The following EPHB1 variants were observed in gnomAD, a reference collection of about 807,000 sequenced individuals.
The protein encoded by EPHB1 is ephrin type-B receptor 1.
Under a neutral mutation model 94.4 loss-of-function variants are expected in EPHB1, and 30 were observed. The ratio of observed to expected loss-of-function variants is 0.32; its 90% CI spans 0.24 to 0.43. EPHB1 has a LOEUF of 0.43. EPHB1 is among the 20% of genes least tolerant of loss of function. The pLI, the probability that EPHB1 is intolerant of heterozygous loss-of-function variation, is 1.00. For missense variants in EPHB1, 1,055 were observed against 1,308.3 expected, an observed-to-expected ratio of 0.81 and a Z score of 2.99; for synonymous variants, 522 against 489.1, an observed-to-expected ratio of 1.07 and a Z score of -0.89.
At chr3:134,895,077 T>C (rs938237136) in intron 1 of EPHB1, among the ~76,000 whole-genome samples, 6 of 152,222 alleles carry the variant, frequency 3.9e-5, no homozygotes, top group Non-Finnish European at 8.8e-5. Flanking sequence ...ATAATCACTT[T>C]CCTCTCTTCT....
intron 1 of EPHB1, among the ~76,000 whole-genome samples, chr3:134,923,735 CT>C (rs1441447213): frequency 6.6e-6 from 1 of 152,192 alleles, no homozygotes; most frequent in Non-Finnish European, 1.5e-5. Context: ...GGATGGGTTT[CT>C]CCCCAAACCT....
intron 2 of EPHB1, among the ~76,000 whole-genome samples, chr3:134,926,626 C>T (rs187072528): frequency 1.3e-5 from 2 of 152,106 alleles, no homozygotes; most frequent in Non-Finnish European, 2.9e-5. Flanking sequence ...TGGAAGAGAG[C>T]ATGGTGTGAA....
chr3:135,035,838 T>C (rs1427514753), intron 3 of EPHB1, among the ~76,000 whole-genome samples: 1 of 152,194 alleles, frequency 6.6e-6, no homozygotes, highest in Admixed American at 6.5e-5. Flanking sequence ...GGGCTGTCTG[T>C]AACATGCCAG....
intron 10 of EPHB1, among the ~76,000 whole-genome samples, chr3:135,190,585 G>A (rs898818160): frequency 9.5e-5 from 9 of 94,618 alleles, no homozygotes; most frequent in African/African-American, 3.7e-4. Context: ...ATATGTGACA[G>A]GTCTGTATTG....
At chr3:134,927,383 C>T (rs937780717) in intron 2 of EPHB1, among the ~76,000 whole-genome samples, 10 of 152,100 alleles carry the variant, frequency 6.6e-5, no homozygotes, top group Middle Eastern at 3.2e-3. Context: ...GCTGGCATTC[C>T]CTAAAGCAGG....
intron 12 of EPHB1, among the ~76,000 whole-genome samples, chr3:135,234,081 C>A (rs555539081): frequency 1.3e-5 from 2 of 152,274 alleles, no homozygotes; most frequent in East Asian, 3.9e-4. Flanking sequence ...TTTCTACAGC[C>A]GCTTAAATTT....
intron 11 of EPHB1, among the ~76,000 whole-genome samples, chr3:135,197,532 A>AC (rs1942655889): frequency 3.3e-5 from 5 of 152,254 alleles, no homozygotes; most frequent in African/African-American, 1.2e-4. Context: ...TCAGTTAGAA[A>AC]AAATCTATGA....
chr3:134,987,520 G>T (rs1934641712), intron 3 of EPHB1, among the ~76,000 whole-genome samples: 1 of 152,182 alleles, frequency 6.6e-6, no homozygotes, highest in Admixed American at 6.5e-5. Flanking sequence ...AGCACTTTGG[G>T]AGGCTGAGGC....
At chr3:135,183,506 T>C (rs1036368719) in intron 10 of EPHB1, among the ~76,000 whole-genome samples, 9 of 152,116 alleles carry the variant, frequency 5.9e-5, no homozygotes, top group African/African-American at 2.2e-4. Context: ...GGGGTGATGC[T>C]GGAAAAATAT....
rs568399663 is a variant in EPHB1 at position 134,913,562 on chromosome 3, T to C, written c.59-12254T>C. On this transcript the variant is annotated intron_variant, in intron 1 of 15. Coordinates refer to ENST00000398015, the MANE Select transcript of EPHB1 (RefSeq NM_004441.5). ...GTGCTGTGGATGCGAGGAAAGACTATAGTCTTAAGTTTTTGATTGCTTCCC... is the reference window on the plus strand; with the variant it reads ...GTGCTGTGGATGCGAGGAAAGACTACAGTCTTAAGTTTTTGATTGCTTCCC... 6.2e-4 allele frequency among the ~76,000 whole-genome samples: 94 copies of C among 152,278 alleles called. 1 individual carries two copies. The highest frequency in any genetic ancestry group is 2.1e-3 in the African/African-American group (88 of 41,574).
At chr3:135,106,067 G>T (rs1374899980) in intron 3 of EPHB1, among the ~76,000 whole-genome samples, 1 of 152,166 alleles carries the variant, frequency 6.6e-6, no homozygotes, top group Non-Finnish European at 1.5e-5. Flanking sequence ...TTAGTGAGTG[G>T]CTCAGGGAAA....
chr3:135,145,463 T>C lies in EPHB1; in HGVS notation c.1298-8689T>C, dbSNP rs374568611. Among the ~76,000 whole-genome samples the C allele has an allele frequency of 6.6e-5, 10 of 152,300 alleles. No homozygotes were observed. In the East Asian group the frequency reaches 9.6e-4, roughly 15 times the overall value. On this transcript the variant is annotated intron_variant, in intron 5 of 15. Transcript: ENST00000398015. ...GCTCAGCATTGTTTGGGTCTCTCTA[T>C]AAACTTTTCAGAGTCTGGGTTGGGG... is the stretch of plus-strand genomic sequence containing the variant.
intron 9 of EPHB1, among the ~76,000 whole-genome samples, chr3:135,179,232 A>G (rs1166555452): frequency 1.3e-5 from 2 of 152,098 alleles, no homozygotes; most frequent in African/African-American, 4.8e-5. Flanking sequence ...TTTTTCTTTC[A>G]TACCACCTCA....
At chr3:135,154,473 C>T in intron 6 of EPHB1, 197 bp downstream of exon 6, 1 of 628,656 alleles carries the variant, frequency 1.6e-6, no homozygotes. Flanking sequence ...CTTTCTGTGC[C>T]AACTAAGGAG....
At chr3:135,087,039 G>A (rs1277188565) in intron 3 of EPHB1, among the ~76,000 whole-genome samples, 2 of 152,134 alleles carry the variant, frequency 1.3e-5, no homozygotes, top group African/African-American at 2.4e-5. Context: ...CTTTACTATT[G>A]CAAAAGCCTA....
intron 3 of EPHB1, among the ~76,000 whole-genome samples, chr3:134,969,617 G>A (rs1320229989): frequency 6.6e-6 from 1 of 152,148 alleles, no homozygotes; most frequent in Non-Finnish European, 1.5e-5. Flanking sequence ...AAGTGTTAAT[G>A]GGAGTCTTCA....
At chr3:135,062,734 G>A (rs187148690) in intron 3 of EPHB1, among the ~76,000 whole-genome samples, 115 of 152,188 alleles carry the variant, frequency 7.6e-4, no homozygotes, top group Non-Finnish European at 1.3e-3. Context: ...ATTTGCTTTT[G>A]GGTTCTTGGT....
At chr3:135,167,656 G>A (rs1941688091) in intron 9 of EPHB1, among the ~76,000 whole-genome samples, 1 of 152,168 alleles carries the variant, frequency 6.6e-6, no homozygotes. Flanking sequence ...AACATTGCAG[G>A]ATCTGAGAAA....
At chr3:134,925,921 T>G in intron 2 of EPHB1, 41 bp downstream of exon 2, 3 of 1,546,026 alleles carry the variant, frequency 1.9e-6, no homozygotes, top group Non-Finnish European at 1.8e-6. Context: ...TGCTATGAGG[T>G]CCTGGATCCA....
Sources: allele counts gnomAD v4.1 joint callset (sites outside exome capture counted in the v4.1 genomes callset), GRCh38; gene constraint gnomAD v4.1.1; transcripts MANE v1.5; gene names NCBI Gene and HGNC (gene_info 2026-07-23, HGNC 2026-07-21).